CEMIP2: variants seen among roughly 807,000 people sequenced by gnomAD.
The protein encoded by CEMIP2 is cell surface hyaluronidase CEMIP2.
CEMIP2 carries 79 observed loss-of-function variants against 146.9 expected under a neutral mutation model. That is an observed-to-expected ratio of 0.54 (90% CI 0.45 to 0.65). The LOEUF (loss-of-function observed/expected upper bound fraction) is 0.65. CEMIP2 is among the 30% of genes least tolerant of loss of function. The pLI is 0.00. For missense variants in CEMIP2, 1,596 were observed against 1,696.2 expected (o/e 0.94, Z 1.04); for synonymous variants, 601 against 606.3 (o/e 0.99, Z 0.13).
chr9:71,730,224 T>A lies in CEMIP2; in HGVS notation c.1803A>T (p.Leu601=). The part of the protein sequence containing the change: ...LIKDTIGFDT[L]GHCFFLEDGI... ...CATCTTCCAAAAAGAAACAATGACC[T>A]AGTGTGTCAAACCCAATGGTGTCTT... The change falls in exon 9 of 24, where the codon CTA becomes CTT. Residue 601 remains leucine (L), a synonymous_variant. Coordinates refer to ENST00000377044, the MANE Select transcript of CEMIP2 (RefSeq NM_013390.3). The A allele has an allele frequency of 6.2e-7, 1 of 1,614,176 alleles. No homozygotes were observed. The highest frequency in any genetic ancestry group is 8.5e-7 in the Non-Finnish European group (1 of 1,180,036).
intron 12 of CEMIP2, among the ~76,000 whole-genome samples, chr9:71,719,842 C>CAAAAAAAA (rs34555277): frequency 0.022 from 2,089 of 92,914 alleles, 135 homozygotes; most frequent in East Asian, 0.09. Flanking sequence ...TAAACGAAAG[C>CAAAAAAAA]AAAAAAAAAA....
intron 1 of CEMIP2, among the ~76,000 whole-genome samples, chr9:71,754,257 T>C (rs902811256): frequency 6.6e-6 from 1 of 152,178 alleles, no homozygotes; most frequent in Non-Finnish European, 1.5e-5. Context: ...AATCACTTGT[T>C]TGGAAGGCAA....
At position 71,768,381 on chromosome 9, in the gene CEMIP2, G is replaced by A. The variant is rs992906946; in HGVS notation, c.-37C>T. 8 of 152,092 alleles carry A rather than the reference G, an allele frequency of 5.3e-5. No individual in the cohort carries two copies. Among genetic ancestry groups the A allele is most frequent in the Non-Finnish European group, 1.0e-4 (7 of 68,048 alleles). The allele number at this position is 152,092 out of a possible 1,614,324, so 9.4% of individuals were successfully genotyped here. On this transcript the variant is annotated 5_prime_UTR_variant, in exon 1 of 24. In the 5' UTR this introduces an upstream ATG that the reference lacks. Transcript: ENST00000377044. ...CCTTCCCCTACCCCGCTTAGCGTCC[G>A]TTAACTCAGGTGCCTACACAGCGGT...
chr9:71,707,299 C>A (rs1293412370), intron 17 of CEMIP2, among the ~76,000 whole-genome samples: 2 of 151,768 alleles, frequency 1.3e-5, no homozygotes, highest in African/African-American at 4.8e-5. Context: ...GTAGTTAATT[C>A]TCCATCCCTT....
chr9:71,750,061 A>G lies in CEMIP2; in HGVS notation c.313T>C (p.Ser105Pro), dbSNP rs886510628. Residue 105 changes from serine (S) to proline (P), a missense_variant, in exon 2 of 24, where the codon TCA (serine) becomes CCA (proline). Coordinates refer to ENST00000377044, the MANE Select transcript of CEMIP2 (RefSeq NM_013390.3). Reference protein sequence around the residue: ...IALAIILGISSKYAPDENCPD... With the variant: ...IALAIILGISPKYAPDENCPD... ...CACTTACCATCTGGAGCATATTTTG[A>G]GGATATTCCTAAAATGATTGCAAGT... 4 of 1,605,046 alleles carry G rather than the reference A, an allele frequency of 2.5e-6. No individual in the cohort carries two copies. Among genetic ancestry groups the G allele is most frequent in the Admixed American group, 3.4e-5 (2 of 59,432 alleles).
chr9:71,683,794 C>T lies in CEMIP2; in HGVS notation c.*1403G>A, dbSNP rs73646777. The stretch of plus-strand genomic sequence containing the variant: ...GGATACAAAGGTAGAGGCCATCAGC[C>T]TTTGCCCCTAGAAGAGGAAAGTGAA... On this transcript the variant is annotated 3_prime_UTR_variant, in exon 24 of 24. Coordinates refer to ENST00000377044, the MANE Select transcript of CEMIP2 (RefSeq NM_013390.3). The T allele has an allele frequency of 0.051, 7,801 of 152,698 alleles. 270 individuals carry two copies. Among genetic ancestry groups the T allele is most frequent in the African/African-American group, 0.092 (3,820 of 41,504 alleles). 9.5% of individuals were successfully genotyped at this position (152,698 alleles called of 1,614,324 possible).
intron 16 of CEMIP2, among the ~76,000 whole-genome samples, chr9:71,709,920 T>C (rs1822858134): frequency 1.3e-5 from 2 of 152,174 alleles, no homozygotes; most frequent in Non-Finnish European, 2.9e-5. Flanking sequence ...AAATAAAAAA[T>C]CTATGATAAG....
At chr9:71,719,899 C>G (rs954622867) in intron 12 of CEMIP2, among the ~76,000 whole-genome samples, 3 of 149,160 alleles carry the variant, frequency 2.0e-5, no homozygotes, top group Non-Finnish European at 4.4e-5. Flanking sequence ...CTGCTGTAAC[C>G]ATCTCAACTT....
chr9:71,738,577 C>G (rs960312220), intron 5 of CEMIP2, among the ~76,000 whole-genome samples: 4 of 151,628 alleles, frequency 2.6e-5, no homozygotes, highest in African/African-American at 9.7e-5. Flanking sequence ...TGGTGGCTCA[C>G]GCCTGTAATC....
intron 10 of CEMIP2, among the ~76,000 whole-genome samples, chr9:71,727,005 C>T (rs562637046): frequency 6.6e-6 from 1 of 152,122 alleles, no homozygotes; most frequent in East Asian, 1.9e-4. Context: ...TTGTAAAAGG[C>T]AGTGGAAAGG....
At chr9:71,738,912 T>C (rs926305181) in intron 5 of CEMIP2, among the ~76,000 whole-genome samples, 2 of 152,160 alleles carry the variant, frequency 1.3e-5, no homozygotes, top group Admixed American at 1.3e-4. Flanking sequence ...TCTGTTAAAT[T>C]TTTTTAAAGC....
intron 2 of CEMIP2, among the ~76,000 whole-genome samples, chr9:71,748,124 C>G (rs1437027114): frequency 1.3e-5 from 2 of 152,112 alleles, no homozygotes; most frequent in Non-Finnish European, 2.9e-5. Flanking sequence ...GAAGGAAATC[C>G]AGTCTTTTGA....
At chr9:71,738,021 G>A (rs17567392) in intron 5 of CEMIP2, among the ~76,000 whole-genome samples, 1 of 151,978 alleles carries the variant, frequency 6.6e-6, no homozygotes, top group Non-Finnish European at 1.5e-5. Context: ...AAATATGGTA[G>A]AGCCCCCAAT....
At chr9:71,747,168 G>T (rs1489173724) in intron 2 of CEMIP2, among the ~76,000 whole-genome samples, 1 of 151,882 alleles carries the variant, frequency 6.6e-6, no homozygotes, top group African/African-American at 2.4e-5. Context: ...GAAGAGGGGA[G>T]AAAAAAAATC....
At chr9:71,710,723 T>A (rs1309926031) in intron 16 of CEMIP2, among the ~76,000 whole-genome samples, 1 of 152,138 alleles carries the variant, frequency 6.6e-6, no homozygotes, top group Non-Finnish European at 1.5e-5. Context: ...ACATGGGCAG[T>A]AAGGAAACAG....
chr9:71,751,560 A>T (rs186825420), intron 1 of CEMIP2, among the ~76,000 whole-genome samples: 2 of 152,212 alleles, frequency 1.3e-5, no homozygotes, highest in East Asian at 3.9e-4. Context: ...CTCAATTTTC[A>T]CTGTGCCTAA....
At chr9:71,763,266 G>C (rs142701307) in intron 1 of CEMIP2, among the ~76,000 whole-genome samples, 13 of 152,214 alleles carry the variant, frequency 8.5e-5, no homozygotes, top group Admixed American at 4.6e-4. Context: ...ACAACAGAAG[G>C]CTTGCTGTCT....
In CEMIP2 at chr9:71,730,678, G is replaced by T. The variant is rs1479552341; in HGVS notation, c.1773+27C>A. On this transcript the variant is annotated intron_variant, in intron 8 of 23. Transcript: ENST00000377044. ...AGAGAGTTAACTATTTCAATAATATGGGTTGACCTAATGCGAGGCTACTTA... is the reference window on the plus strand; with the variant it reads ...AGAGAGTTAACTATTTCAATAATATTGGTTGACCTAATGCGAGGCTACTTA... The T allele has an allele frequency of 4.4e-6, 7 of 1,606,188 alleles. No homozygotes were observed. In the African/African-American group the frequency reaches 9.4e-5, roughly 21 times the overall value.
chr9:71,730,938 A>G (rs772577442), intron 7 of CEMIP2, 24 bp from the exon 8 acceptor site: 1 of 1,600,734 alleles, frequency 6.2e-7, no homozygotes, highest in Non-Finnish European at 8.6e-7. Flanking sequence ...TACTAAAATC[A>G]AACTCATACT....
Sources: allele counts gnomAD v4.1 joint callset (sites outside exome capture counted in the v4.1 genomes callset), GRCh38; gene constraint gnomAD v4.1.1; transcripts MANE v1.5; gene names NCBI Gene and HGNC (gene_info 2026-07-23, HGNC 2026-07-21).